LRBA: variants seen among roughly 807,000 people sequenced by gnomAD.
The protein encoded by LRBA is LPS responsive beige-like anchor protein, also known as lipopolysaccharide-responsive and beige-like anchor protein.
A neutral mutation model predicts 330.0 loss-of-function variants in LRBA; 176 were observed. The observed-to-expected ratio is 0.53, with a 90% CI of 0.47 to 0.60. LRBA has a LOEUF of 0.60. LRBA is among the 20% of genes least tolerant of loss of function. LRBA has a pLI of 0.00. For missense variants in LRBA, 3,259 were observed against 3,444.8 expected, an observed-to-expected ratio of 0.95 and a Z score of 1.35; for synonymous variants, 1,230 against 1,193.0, an observed-to-expected ratio of 1.03 and a Z score of -0.64.
intron 2 of LRBA, among the ~76,000 whole-genome samples, chr4:151,001,457 C>T (rs1042952500): frequency 6.6e-6 from 1 of 152,070 alleles, no homozygotes; most frequent in Non-Finnish European, 1.5e-5. Flanking sequence ...CATGCCAAAG[C>T]GTGCAGACTA....
At chr4:150,289,524 A>T (rs144477508) in intron 53 of LRBA, among the ~76,000 whole-genome samples, 13 of 152,352 alleles carry the variant, frequency 8.5e-5, no homozygotes, top group African/African-American at 2.9e-4. Context: ...TCAGGTAACC[A>T]GTTTTACAGT....
chr4:150,850,933 A>G (rs753151115), intron 23 of LRBA, 31 bp from the exon 24 acceptor site: 7 of 1,520,938 alleles, frequency 4.6e-6, no homozygotes, highest in Non-Finnish European at 6.3e-6. Context: ...GTAATAAAAT[A>G]GGTTCAACTT....
chr4:150,798,165 AAAG>A (rs1275720326), intron 33 of LRBA, 23 bp from the exon 34 acceptor site: 2 of 1,489,942 alleles, frequency 1.3e-6, no homozygotes, highest in African/African-American at 1.4e-5. Flanking sequence ...GAATTTTAAA[AAAG>A]AAGTTATAAA....
chr4:150,983,757 C>T lies in LRBA; in HGVS notation c.216+30670G>A, dbSNP rs1314590734. Among the ~76,000 whole-genome samples, 15 of 149,360 alleles carry T rather than the reference C, an allele frequency of 1.0e-4. No individual in the cohort carries two copies. The East Asian group carries it at 2.0e-3, about 20-fold the overall frequency. ...GGTGTGAGCCACCACGCCAGGCTGG[C>T]GAGTACTCCGTCTTAAAAAAAAAAA... On this transcript the variant is annotated intron_variant, in intron 2 of 56. Coordinates refer to ENST00000651943, the MANE Select transcript of LRBA (RefSeq NM_001364905.1).
intron 44 of LRBA, among the ~76,000 whole-genome samples, chr4:150,461,822 T>G (rs1316646830): frequency 2.0e-5 from 3 of 151,724 alleles, no homozygotes; most frequent in African/African-American, 7.3e-5. Flanking sequence ...TATTATATAT[T>G]CTAAAATAAC....
chr4:150,862,993 C>A (rs1390600913), intron 22 of LRBA, among the ~76,000 whole-genome samples: 1 of 151,750 alleles, frequency 6.6e-6, no homozygotes, highest in Non-Finnish European at 1.5e-5. Context: ...AAAAAAGACA[C>A]ACACACACAC....
intron 2 of LRBA, among the ~76,000 whole-genome samples, chr4:150,964,631 CGTT>C (rs1270725717): frequency 6.6e-6 from 1 of 151,440 alleles, no homozygotes; most frequent in Non-Finnish European, 1.5e-5. Context: ...GCAGCATACT[CGTT>C]AAGAGTCATC....
chr4:150,616,145 A>T (rs540577956), intron 37 of LRBA, among the ~76,000 whole-genome samples: 1 of 152,372 alleles, frequency 6.6e-6, no homozygotes, highest in South Asian at 2.1e-4. Context: ...AAACAACTGA[A>T]TATAAGAGTG....
chr4:150,880,524 A>AAG (rs1728250529), intron 17 of LRBA, among the ~76,000 whole-genome samples: 1 of 151,578 alleles, frequency 6.6e-6, no homozygotes, highest in African/African-American at 2.4e-5. Context: ...TGTCTCCAAA[A>AAG]AAAAAAAAAA....
rs183044349 is a variant in LRBA at position 150,625,720 on chromosome 4, T to A, written c.5922-26589A>T. Among the ~76,000 whole-genome samples, 1,327 of 150,174 alleles carry A rather than the reference T, an allele frequency of 8.8e-3. 14 individuals are homozygous for A. Among genetic ancestry groups the A allele is most frequent in the African/African-American group, 0.029 (1,178 of 41,106 alleles). On this transcript the variant is annotated intron_variant, in intron 37 of 56. Coordinates refer to ENST00000651943, the MANE Select transcript of LRBA (RefSeq NM_001364905.1). ...ATATATATATATAATTATTATTATT[T>A]TTTTTTTGAGACAGTTTCGCTCTTT...
chr4:150,521,155 C>T (rs1395373860), intron 40 of LRBA, among the ~76,000 whole-genome samples: 1 of 151,962 alleles, frequency 6.6e-6, no homozygotes, highest in Non-Finnish European at 1.5e-5. Flanking sequence ...TCTTATCAAA[C>T]TTTTTAAAAA....
intron 15 of LRBA, among the ~76,000 whole-genome samples, chr4:150,896,770 C>T (rs1730128472): frequency 6.6e-6 from 1 of 151,850 alleles, no homozygotes; most frequent in South Asian, 2.1e-4. Flanking sequence ...ATATCCACAC[C>T]TACTACTCCT....
chr4:150,905,785 GCA>G, intron 13 of LRBA, 51 bp downstream of exon 13: 1 of 1,438,524 alleles, frequency 7.0e-7, no homozygotes, highest in Non-Finnish European at 9.5e-7. Context: ...CTCTCCTCAC[GCA>G]CAAAAACAGC....
chr4:150,619,783 A>G (rs1776124932), intron 37 of LRBA, among the ~76,000 whole-genome samples: 1 of 152,122 alleles, frequency 6.6e-6, no homozygotes, highest in Non-Finnish European at 1.5e-5. Flanking sequence ...CACTTAAATA[A>G]AGCCCATCAA....
At position 150,483,408 on chromosome 4, in the gene LRBA, T is replaced by G. The variant is rs1443831269; in HGVS notation, c.6551+4324A>C. On this transcript the variant is annotated intron_variant, in intron 42 of 56. Coordinates refer to ENST00000651943, the MANE Select transcript of LRBA (RefSeq NM_001364905.1). ...ATGTAATTTTATATTAAGTCTTTTG[T>G]TTTTTTTTCTCAAAATTGTTTAAAC... 2.0e-5 allele frequency among the ~76,000 whole-genome samples: 3 copies of G among 150,102 alleles called. No homozygotes were observed. The East Asian group carries it at 5.8e-4, about 29-fold the overall frequency.
At position 150,978,596 on chromosome 4, in the gene LRBA, A is replaced by T. The variant is rs138612183; in HGVS notation, c.216+35831T>A. The stretch of plus-strand genomic sequence containing the variant: ...TGTGGCCTTTTAGGCACAGAATTCA[A>T]AATAGCTATTTTGAGGAAACTCAAA... On this transcript the variant is annotated intron_variant, in intron 2 of 56. Transcript: ENST00000651943. 2.0e-4 allele frequency among the ~76,000 whole-genome samples: 31 copies of T among 152,338 alleles called. No individual in the cohort carries two copies. In the East Asian group the frequency reaches 5.6e-3, roughly 28 times the overall value.
At chr4:150,955,236 A>C (rs1737406682) in intron 2 of LRBA, among the ~76,000 whole-genome samples, 1 of 148,834 alleles carries the variant, frequency 6.7e-6, no homozygotes, top group African/African-American at 2.6e-5. Context: ...ACACCACTGC[A>C]CTCCAGCCTG....
intron 40 of LRBA, among the ~76,000 whole-genome samples, chr4:150,497,991 T>C (rs1327856553): frequency 1.3e-5 from 2 of 152,236 alleles, no homozygotes; most frequent in African/African-American, 2.4e-5. Flanking sequence ...ATTTCTCTTC[T>C]GCAAAGTAAT....
chr4:150,270,451 G>T (rs1297357938), intron 56 of LRBA, among the ~76,000 whole-genome samples: 2 of 152,176 alleles, frequency 1.3e-5, no homozygotes, highest in Non-Finnish European at 2.9e-5. Context: ...AACAAATATT[G>T]TATGATTCCA....
Sources: allele counts gnomAD v4.1 joint callset (sites outside exome capture counted in the v4.1 genomes callset), GRCh38; gene constraint gnomAD v4.1.1; transcripts MANE v1.5; gene names NCBI Gene and HGNC (gene_info 2026-07-23, HGNC 2026-07-21).